The following NFU1 variants were observed in gnomAD, a reference collection of about 807,000 sequenced individuals.
NFU1 encodes NFU1 iron-sulfur cluster scaffold.
Under a neutral mutation model 32.2 loss-of-function variants are expected in NFU1, and 30 were observed. That is an observed-to-expected ratio of 0.93 (90% CI 0.70 to 1.26). NFU1 has a LOEUF of 1.26. NFU1 is among the 50% of genes most tolerant of loss of function. The pLI is 0.00. For synonymous variants in NFU1, 112 were observed against 104.6 expected (o/e 1.07, Z -0.43); for missense variants, 306 against 306.6 (o/e 1.00, Z 0.02).
At chr2:69,407,122 T>C (rs1330297142) in intron 5 of NFU1, among the ~76,000 whole-genome samples, 1 of 152,062 alleles carries the variant, frequency 6.6e-6, no homozygotes, top group East Asian at 1.9e-4. Context: ...CTCAGGTATG[T>C]CTTTATCAGC....
intron 5 of NFU1, among the ~76,000 whole-genome samples, chr2:69,411,944 C>T (rs1191778915): frequency 6.6e-6 from 1 of 152,052 alleles, no homozygotes; most frequent in African/African-American, 2.4e-5. Flanking sequence ...GACATATGGG[C>T]CAGGTGGCGG....
At chr2:69,408,549 G>A (rs930664707) in intron 5 of NFU1, among the ~76,000 whole-genome samples, 78 of 151,732 alleles carry the variant, frequency 5.1e-4, no homozygotes, top group African/African-American at 1.8e-3. Flanking sequence ...GTGAAATCCC[G>A]TCTCTACTAA....
chr2:69,433,636 C>T (rs1224545564), intron 1 of NFU1, among the ~76,000 whole-genome samples: 4 of 151,516 alleles, frequency 2.6e-5, no homozygotes, highest in Non-Finnish European at 2.9e-5. Flanking sequence ...CCATCACACC[C>T]GGCTAATTTT....
At chr2:69,398,111 T>G (rs1672399313) in intron 7 of NFU1, among the ~76,000 whole-genome samples, 1 of 152,186 alleles carries the variant, frequency 6.6e-6, no homozygotes, top group Non-Finnish European at 1.5e-5. Context: ...GGCAGAATTA[T>G]TCCTTAATTT....
intron 7 of NFU1, 37 bp downstream of exon 7, chr2:69,400,327 T>C (rs1672479255): frequency 6.3e-7 from 1 of 1,585,472 alleles, no homozygotes; most frequent in African/African-American, 1.3e-5. Context: ...AAAGAAAAAA[T>C]GAAAAAAATC....
chr2:69,408,296 C>T (rs796833812), intron 5 of NFU1, among the ~76,000 whole-genome samples: 7 of 152,124 alleles, frequency 4.6e-5, no homozygotes, highest in African/African-American at 1.7e-4. Flanking sequence ...TACAAATATG[C>T]CTCAATATTT....
At chr2:69,406,105 AC>A (rs760043428) in intron 5 of NFU1, 23 bp from the exon 6 acceptor site, 3 of 1,438,488 alleles carry the variant, frequency 2.1e-6, no homozygotes, top group Non-Finnish European at 2.9e-6. Flanking sequence ...ACATATAAAA[AC>A]ATCAAGAGTA....
At chr2:69,427,734 C>A (rs1361066347) in intron 2 of NFU1, among the ~76,000 whole-genome samples, 1 of 149,740 alleles carries the variant, frequency 6.7e-6, no homozygotes, top group Middle Eastern at 3.2e-3. Context: ...GTAATCCCAG[C>A]ACTTTGGAAG....
At chr2:69,404,943 T>C (rs1045932924) in intron 6 of NFU1, among the ~76,000 whole-genome samples, 1 of 151,476 alleles carries the variant, frequency 6.6e-6, no homozygotes, top group Non-Finnish European at 1.5e-5. Context: ...ATACAATACA[T>C]TGTTACTAAC....
chr2:69,431,749 C>T (rs946749910), intron 2 of NFU1, among the ~76,000 whole-genome samples, 153 bp downstream of exon 2: 13 of 152,196 alleles, frequency 8.5e-5, no homozygotes, highest in Non-Finnish European at 1.6e-4. Context: ...TACTTAGAAG[C>T]CTATAAGAAA....
intron 6 of NFU1, among the ~76,000 whole-genome samples, chr2:69,401,024 T>C (rs1305611832): frequency 1.3e-5 from 2 of 152,220 alleles, no homozygotes; most frequent in Non-Finnish European, 2.9e-5. Flanking sequence ...TTATTGTGAT[T>C]ACCTAAAATA....
At chr2:69,417,856 GAAAA>G (rs796236251) in intron 4 of NFU1, among the ~76,000 whole-genome samples, 1 of 124,008 alleles carries the variant, frequency 8.1e-6, no homozygotes, top group Non-Finnish European at 1.8e-5. Flanking sequence ...AGAAAAATAG[GAAAA>G]AAAAAAAAAC....
intron 5 of NFU1, among the ~76,000 whole-genome samples, chr2:69,411,885 G>A (rs947280938): frequency 6.6e-6 from 1 of 152,098 alleles, no homozygotes; most frequent in Non-Finnish European, 1.5e-5. Flanking sequence ...GGGGCGTGGT[G>A]TCCAGCCCAG....
chr2:69,432,224 G>C (rs776085678), intron 1 of NFU1, among the ~76,000 whole-genome samples: 4 of 152,156 alleles, frequency 2.6e-5, no homozygotes, highest in Non-Finnish European at 5.9e-5. Context: ...AGCTCAAATG[G>C]AAATTCCTAC....
chr2:69,417,660 G>T (rs1673101175), intron 4 of NFU1, among the ~76,000 whole-genome samples: 1 of 151,868 alleles, frequency 6.6e-6, no homozygotes, highest in South Asian at 2.1e-4. Flanking sequence ...CTATATGTAT[G>T]TGTAGATAGA....
At chr2:69,404,638 T>TTTTTTTTTTTTTTTTTTTTTAA (rs1672638399) in intron 6 of NFU1, among the ~76,000 whole-genome samples, 1 of 135,730 alleles carries the variant, frequency 7.4e-6, no homozygotes, top group Non-Finnish European at 1.5e-5. Context: ...TTTTTTTTTT[T>TTTTTTTTTTTTTTTTTTTTTAA]GAGAAAGAGT....
At chr2:69,402,706 C>T (rs1381242516) in intron 6 of NFU1, among the ~76,000 whole-genome samples, 5 of 152,046 alleles carry the variant, frequency 3.3e-5, no homozygotes, top group East Asian at 1.9e-4. Context: ...CTCAGCCTCC[C>T]GAGTAGCTGG....
In NFU1 at chr2:69,415,210, A is replaced by C. The variant is rs757520389; in HGVS notation, c.459T>G (p.Thr153=). ...CTGCTTCTCCTGAAGGTGTTTCCTCAGTAACCAGGGGTAAGCCAGATGCAA... is the reference window on the plus strand; with the variant it reads ...CTGCTTCTCCTGAAGGTGTTTCCTCCGTAACCAGGGGTAAGCCAGATGCAA... ...DFFASGLPLV[T]EETPSGEAGS... The change falls in exon 5 of 8, where the codon ACT becomes ACG. Residue 153 remains threonine, a synonymous_variant. Transcript: ENST00000410022. 6.2e-7 allele frequency: 1 copy of C among 1,609,340 alleles called. No individual in the cohort carries two copies. The highest frequency in any genetic ancestry group is 8.5e-7 in the Non-Finnish European group (1 of 1,175,660).
At chr2:69,424,215 A>ATCTCTCTC (rs1450459710) in intron 2 of NFU1, among the ~76,000 whole-genome samples, 3 of 137,052 alleles carry the variant, frequency 2.2e-5, no homozygotes, top group Admixed American at 7.3e-5. Context: ...ATATATATAT[A>ATCTCTCTC]TATATCTCAA....
Sources: gnomAD v4.1 joint callset for allele counts (sites outside exome capture counted in the v4.1 genomes callset) on GRCh38, gnomAD v4.1.1 for gene constraint, MANE v1.5 for transcripts, NCBI Gene and HGNC (gene_info 2026-07-23, HGNC 2026-07-21) for gene names.